Variants in RBMS3 observed in about 807,000 individuals in gnomAD.
The protein encoded by RBMS3 is RNA binding motif single stranded interacting protein 3.
Under a neutral mutation model 66.8 loss-of-function variants are expected in RBMS3, and 27 were observed. The observed-to-expected ratio is 0.40, with a 90% CI of 0.30 to 0.56. RBMS3 has a LOEUF of 0.56. Ranked by LOEUF, RBMS3 falls within the 20% of genes least tolerant of loss-of-function variation. The probability of loss-of-function intolerance (pLI) is 0.40; values close to 1 mark genes in which losing one functional copy is unlikely to be tolerated. For missense variants in RBMS3, 513 were observed against 549.5 expected (o/e 0.93, Z 0.66); for synonymous variants, 188 against 183.0 (o/e 1.03, Z -0.22).
Position 30,009,464 on chromosome 3 carries a change from C to T in RBMS3, c.*5602C>T, listed in dbSNP as rs1306066951. 6.6e-6 allele frequency: 1 copy of T among 152,002 alleles called. No individual in the cohort carries two copies. Among genetic ancestry groups the T allele is most frequent in the Non-Finnish European group, 1.5e-5 (1 of 67,982 alleles). 9.4% of individuals were successfully genotyped at this position (152,002 alleles called of 1,614,324 possible). ...CTATAATGTCTTTTCTTATCTACCA[C>T]AAATAATTGAGAGTTGGCTAAATTC... On this transcript the variant is annotated 3_prime_UTR_variant, in exon 15 of 15. Transcript: ENST00000383767.
chr3:29,445,252 G>A (rs957037474), intron 2 of RBMS3, among the ~76,000 whole-genome samples: 1 of 152,020 alleles, frequency 6.6e-6, no homozygotes, highest in African/African-American at 2.4e-5. Context: ...TACATCCAAT[G>A]TTGTGCCACT....
At chr3:29,642,234 T>C (rs1359469769) in intron 4 of RBMS3, among the ~76,000 whole-genome samples, 2 of 152,062 alleles carry the variant, frequency 1.3e-5, no homozygotes, top group Non-Finnish European at 2.9e-5. Context: ...AATGCTGGGA[T>C]TCACCATCTG....
intron 4 of RBMS3, among the ~76,000 whole-genome samples, chr3:29,735,334 G>A (rs564501704): frequency 6.6e-6 from 1 of 152,086 alleles, no homozygotes; most frequent in African/African-American, 2.4e-5. Flanking sequence ...ACATATTTTT[G>A]CGTAAGATGA....
At chr3:29,866,435 C>G (rs929521605) in intron 6 of RBMS3, among the ~76,000 whole-genome samples, 2 of 152,148 alleles carry the variant, frequency 1.3e-5, no homozygotes, top group Non-Finnish European at 2.9e-5. Flanking sequence ...GAACCAGTTT[C>G]TTTACAGCAA....
chr3:29,398,814 A>G (rs2039672539), intron 1 of RBMS3, among the ~76,000 whole-genome samples: 1 of 136,922 alleles, frequency 7.3e-6, no homozygotes, highest in Non-Finnish European at 1.6e-5. Flanking sequence ...GTCTATTTTT[A>G]TAGTGGATCT....
intron 1 of RBMS3, among the ~76,000 whole-genome samples, chr3:29,294,322 A>C (rs1425504058): frequency 6.6e-6 from 1 of 151,754 alleles, no homozygotes; most frequent in African/African-American, 2.4e-5. Flanking sequence ...TCTTTTTCAC[A>C]TTAAGCACAT....
chr3:29,865,689 G>T (rs965518693), intron 6 of RBMS3, among the ~76,000 whole-genome samples: 4 of 152,102 alleles, frequency 2.6e-5, no homozygotes, highest in Admixed American at 6.5e-5. Flanking sequence ...CATCCAAGAG[G>T]ACAATCAAGT....
intron 14 of RBMS3, chr3:29,991,607 T>G (rs1698878910): frequency 1.3e-5 from 2 of 159,276 alleles, no homozygotes; most frequent in Non-Finnish European, 2.7e-5. Flanking sequence ...TATTACTAAT[T>G]TTCTACTGTC....
At chr3:29,552,214 A>G (rs565750358) in intron 3 of RBMS3, among the ~76,000 whole-genome samples, 1 of 152,308 alleles carries the variant, frequency 6.6e-6, no homozygotes, top group African/African-American at 2.4e-5. Context: ...GAACATCATG[A>G]AGAAAACATA....
intron 1 of RBMS3, among the ~76,000 whole-genome samples, chr3:29,322,324 T>C (rs1054840950): frequency 3.3e-5 from 5 of 152,090 alleles, no homozygotes; most frequent in African/African-American, 1.2e-4. Context: ...TTTGTGTTTG[T>C]TTTTAATTTA....
At chr3:29,800,439 G>A (rs979818986) in intron 6 of RBMS3, among the ~76,000 whole-genome samples, 4 of 152,102 alleles carry the variant, frequency 2.6e-5, no homozygotes, top group Non-Finnish European at 5.9e-5. Flanking sequence ...TACAGATAAA[G>A]TTTGAATGAC....
intron 3 of RBMS3, among the ~76,000 whole-genome samples, chr3:29,546,084 C>T (rs993795006): frequency 1.3e-5 from 2 of 150,112 alleles, no homozygotes; most frequent in Admixed American, 1.3e-4. Context: ...TTATATGTTG[C>T]TGGCACTGTT....
chr3:29,762,162 A>C (rs2055716620), intron 5 of RBMS3, among the ~76,000 whole-genome samples: 1 of 152,154 alleles, frequency 6.6e-6, no homozygotes, highest in Non-Finnish European at 1.5e-5. Flanking sequence ...CAGTTTAGGA[A>C]TATTGATAAG....
At chr3:29,731,156 G>T (rs2054115906) in intron 4 of RBMS3, 3 of 450,642 alleles carry the variant, frequency 6.7e-6, no homozygotes, top group Admixed American at 1.3e-4. Flanking sequence ...TCAACACTGG[G>T]CATTGTTTCA....
At chr3:29,986,746 C>G (rs2149792596) in intron 12 of RBMS3, among the ~76,000 whole-genome samples, 1 of 152,202 alleles carries the variant, frequency 6.6e-6, no homozygotes, top group Non-Finnish European at 1.5e-5. Flanking sequence ...AGTTCAGGAC[C>G]AGCTTGGCCA....
intron 4 of RBMS3, among the ~76,000 whole-genome samples, chr3:29,650,022 T>C (rs1281373381): frequency 1.3e-5 from 2 of 152,104 alleles, no homozygotes; most frequent in African/African-American, 2.4e-5. Context: ...CAGGATGCAA[T>C]TGTGGTGAGC....
chr3:29,944,292 G>T, intron 12 of RBMS3, 38 bp downstream of exon 12: 1 of 1,519,858 alleles, frequency 6.6e-7, no homozygotes, highest in South Asian at 1.1e-5. Flanking sequence ...TGGATTGGAG[G>T]GGAGAGATGG....
intron 6 of RBMS3, among the ~76,000 whole-genome samples, chr3:29,826,819 T>G (rs1472554213): frequency 2.0e-5 from 3 of 152,190 alleles, no homozygotes; most frequent in Non-Finnish European, 4.4e-5. Flanking sequence ...CTTTCACTTT[T>G]CTAAAATTTA....
At chr3:29,611,862 C>T (rs1559508297) in intron 4 of RBMS3, among the ~76,000 whole-genome samples, 1 of 152,022 alleles carries the variant, frequency 6.6e-6, no homozygotes, top group African/African-American at 2.4e-5. Context: ...TATCAGGTCT[C>T]ATATGTGGAT....
Sources: gnomAD v4.1 joint callset for allele counts (sites outside exome capture counted in the v4.1 genomes callset) on GRCh38, gnomAD v4.1.1 for gene constraint, MANE v1.5 for transcripts, NCBI Gene and HGNC (gene_info 2026-07-23, HGNC 2026-07-21) for gene names.